SUMF1: variants seen among roughly 807,000 people sequenced by gnomAD.
The protein encoded by SUMF1 is sulfatase modifying factor 1.
In SUMF1, 48 loss-of-function variants were observed where a neutral mutation model predicts 47.6. That is an observed-to-expected ratio of 1.01 (90% CI 0.80 to 1.28). The LOEUF (loss-of-function observed/expected upper bound fraction) is 1.28, where lower values mean the gene tolerates loss of function less well. Among genes scored for constraint, SUMF1 ranks in the 50% most tolerant of loss-of-function variants. The pLI is 0.00. For missense variants in SUMF1, 571 were observed against 485.4 expected (o/e 1.18, Z -1.66); for synonymous variants, 230 against 192.1 (o/e 1.20, Z -1.63).
At chr3:4,212,219 C>T (rs910692513) in intron 8 of SUMF1, among the ~76,000 whole-genome samples, 1 of 152,158 alleles carries the variant, frequency 6.6e-6, no homozygotes, top group African/African-American at 2.4e-5. Context: ...TGGGACAAAA[C>T]TTCCAGAGGA....
intron 3 of SUMF1, among the ~76,000 whole-genome samples, chr3:4,442,987 T>C (rs992799370): frequency 4.0e-5 from 6 of 150,162 alleles, no homozygotes; most frequent in African/African-American, 1.5e-4. Flanking sequence ...TGTTTTAAAA[T>C]GAGGTAGGCC....
At chr3:4,085,762 C>G (rs1692658196) in intron 8 of SUMF1, among the ~76,000 whole-genome samples, 3 of 152,052 alleles carry the variant, frequency 2.0e-5, no homozygotes, top group Non-Finnish European at 2.9e-5. Context: ...GAACTACAAA[C>G]ATGAGACATG....
At chr3:4,166,279 A>T (rs1694704636) in intron 8 of SUMF1, among the ~76,000 whole-genome samples, 1 of 152,150 alleles carries the variant, frequency 6.6e-6, no homozygotes, top group Non-Finnish European at 1.5e-5. Context: ...GCAGAGGACC[A>T]TACCATGAGG....
chr3:4,238,298 G>A lies in SUMF1; in HGVS notation c.1014+138032C>T, dbSNP rs540412547. On this transcript the variant is annotated intron_variant and NMD_transcript_variant, in intron 8 of 12. Coordinates refer to the SUMF1 transcript ENST00000448413. ...TTCCTTTGGGTATATACCCAGTAACGGGATTGCTGGGTCAAATGTTATTTC... is the reference window on the plus strand; with the variant it reads ...TTCCTTTGGGTATATACCCAGTAACAGGATTGCTGGGTCAAATGTTATTTC... 5.8e-4 allele frequency among the ~76,000 whole-genome samples: 88 copies of A among 152,154 alleles called. 1 individual carries two copies. The Middle Eastern group carries it at 0.01, about 18-fold the overall frequency.
At chr3:4,246,694 C>T (rs998211490) in intron 8 of SUMF1, among the ~76,000 whole-genome samples, 6 of 152,054 alleles carry the variant, frequency 3.9e-5, no homozygotes, top group Admixed American at 6.6e-5. Context: ...GCTACCGCAC[C>T]CAGCCTTTTT....
chr3:4,182,659 T>C (rs931466278), intron 8 of SUMF1, among the ~76,000 whole-genome samples: 1 of 152,116 alleles, frequency 6.6e-6, no homozygotes, highest in Admixed American at 6.5e-5. Context: ...CTGTGGTTTC[T>C]CATGATTTTT....
At chr3:4,213,342 C>G (rs1191245370) in intron 8 of SUMF1, among the ~76,000 whole-genome samples, 1 of 152,060 alleles carries the variant, frequency 6.6e-6, no homozygotes, top group African/African-American at 2.4e-5. Flanking sequence ...AAATAAAATC[C>G]TTTACAGACA....
intron 8 of SUMF1, among the ~76,000 whole-genome samples, chr3:4,280,233 T>C (rs769565627): frequency 6.6e-6 from 1 of 152,152 alleles, no homozygotes; most frequent in Non-Finnish European, 1.5e-5. Context: ...TAAAATGTTT[T>C]AAAAAATTCC....
At chr3:4,091,081 A>C (rs1692775461) in intron 8 of SUMF1, among the ~76,000 whole-genome samples, 1 of 145,328 alleles carries the variant, frequency 6.9e-6, no homozygotes, top group South Asian at 2.2e-4. Context: ...ACTCCATAAA[A>C]AACAACAACA....
At chr3:4,404,533 G>A (rs939041361) in intron 7 of SUMF1, among the ~76,000 whole-genome samples, 3 of 152,182 alleles carry the variant, frequency 2.0e-5, no homozygotes, top group African/African-American at 7.2e-5. Context: ...TGAGGCGGGT[G>A]AATCACCTGA....
intron 8 of SUMF1, among the ~76,000 whole-genome samples, chr3:4,090,020 A>C (rs1692750504): frequency 6.6e-6 from 1 of 152,134 alleles, no homozygotes; most frequent in Admixed American, 6.5e-5. Flanking sequence ...CAAATCAACA[A>C]ACTGTGAGCT....
chr3:4,083,588 T>C (rs1692612049), intron 8 of SUMF1, among the ~76,000 whole-genome samples: 1 of 152,132 alleles, frequency 6.6e-6, no homozygotes, highest in Admixed American at 6.5e-5. Flanking sequence ...CATTTGCAAC[T>C]TGTTCCAAGG....
intron 8 of SUMF1, chr3:4,316,313 T>C (rs1417960266): frequency 1.7e-6 from 2 of 1,164,302 alleles, no homozygotes; most frequent in Non-Finnish European, 2.5e-6. Flanking sequence ...ACATCAACAA[T>C]GCATTTGGCC....
intron 8 of SUMF1, among the ~76,000 whole-genome samples, chr3:4,279,738 G>C (rs1431144525): frequency 6.6e-6 from 1 of 152,074 alleles, no homozygotes. Context: ...CACCTCAGCA[G>C]GCTGGAAGAT....
chr3:4,331,733 G>A (rs1405997631), intron 8 of SUMF1, among the ~76,000 whole-genome samples: 2 of 152,192 alleles, frequency 1.3e-5, no homozygotes, highest in East Asian at 3.8e-4. Flanking sequence ...AGGAGTCTGA[G>A]GCAGGAGAAT....
chr3:4,085,391 T>C (rs910792352), intron 8 of SUMF1, among the ~76,000 whole-genome samples: 7 of 152,036 alleles, frequency 4.6e-5, no homozygotes, highest in Admixed American at 1.3e-4. Flanking sequence ...GCTTAGACAA[T>C]AGAGGTGAGG....
intron 8 of SUMF1, among the ~76,000 whole-genome samples, chr3:4,214,360 G>A (rs1405935399): frequency 1.3e-5 from 2 of 152,158 alleles, no homozygotes; most frequent in African/African-American, 4.8e-5. Flanking sequence ...TGAAACCAAT[G>A]AGAATGAAGA....
chr3:4,401,449 C>G (rs1434934633), intron 7 of SUMF1, among the ~76,000 whole-genome samples: 1 of 152,112 alleles, frequency 6.6e-6, no homozygotes, highest in Non-Finnish European at 1.5e-5. Flanking sequence ...TAAAAACACC[C>G]TCTTAACCAT....
In SUMF1 at chr3:4,347,690, AG is replaced by A. The variant is rs1332335694; in HGVS notation, c.1014+28639del. On this transcript the variant is annotated intron_variant and NMD_transcript_variant, in intron 8 of 12. Transcript: ENST00000448413. ...ATTGGAAGTTCTGGCCATGGCAATCAGGCAAGAGAAAGAAATAAAGGGTATT... is the reference window on the plus strand; with the variant it reads ...ATTGGAAGTTCTGGCCATGGCAATCAGCAAGAGAAAGAAATAAAGGGTATT... 2.0e-5 allele frequency among the ~76,000 whole-genome samples: 3 copies of A among 152,208 alleles called. No individual in the cohort carries two copies. The East Asian group carries it at 5.8e-4, about 29-fold the overall frequency.
Sources: gnomAD v4.1 joint callset for allele counts (sites outside exome capture counted in the v4.1 genomes callset) on GRCh38, gnomAD v4.1.1 for gene constraint, MANE v1.5 for transcripts, NCBI Gene and HGNC (gene_info 2026-07-23, HGNC 2026-07-21) for gene names.